Variants in KCNJ1 observed in about 807,000 individuals in gnomAD.
The protein encoded by KCNJ1 is ATP-sensitive inward rectifier potassium channel 1.
Under a neutral mutation model 21.9 loss-of-function variants are expected in KCNJ1, and 24 were observed. The observed-to-expected ratio is 1.10, with a 90% confidence interval of 0.79 to 1.54. The LOEUF is 1.54. Among genes scored for constraint, KCNJ1 ranks in the 40% most tolerant of loss-of-function variants. The pLI, the probability that KCNJ1 is intolerant of heterozygous loss-of-function variation, is 0.00. For synonymous variants in KCNJ1, 152 were observed against 160.9 expected (o/e 0.94, Z 0.42); for missense variants, 457 against 455.4 (o/e 1.00, Z -0.03).
intron 2 of KCNJ1, among the ~76,000 whole-genome samples, chr11:128,843,669 T>C (rs1943328079): frequency 6.6e-6 from 1 of 152,158 alleles, no homozygotes; most frequent in Non-Finnish European, 1.5e-5. Context: ...CCAAAAAGAA[T>C]AACTTTTTAA....
Position 128,839,468 on chromosome 11 carries a change from A to C in KCNJ1, c.776T>G (p.Phe259Cys). ...AAGGGTCTCCGCTGCCATGTGGAAG[A>C]AAGGGCTGTTGTGATCAATGACATG... ...IYHVIDHNSP[F>C]FHMAAETLLQ... Residue 259 changes from phenylalanine (F) to cysteine (C), a missense_variant, in exon 3 of 3, where the codon TTC becomes TGC. By Grantham distance (205) the Phe-to-Cys change is radical. Transcript: ENST00000392666. The C allele has an allele frequency of 6.2e-7, 1 of 1,614,212 alleles. No individual in the cohort carries two copies. Among genetic ancestry groups the C allele is most frequent in the Admixed American group, 1.7e-5 (1 of 60,030 alleles).
intron 1 of KCNJ1, among the ~76,000 whole-genome samples, chr11:128,858,498 C>T (rs1168700544): frequency 1.3e-5 from 2 of 152,106 alleles, no homozygotes; most frequent in African/African-American, 4.8e-5. Context: ...AGGGCACATA[C>T]TTTTCAGAGT....
chr11:128,855,334 C>A (rs1943569169), intron 1 of KCNJ1, among the ~76,000 whole-genome samples: 1 of 152,166 alleles, frequency 6.6e-6, no homozygotes, highest in African/African-American at 2.4e-5. Context: ...TTGCCAAGGT[C>A]CCCTGAGCTT....
intron 2 of KCNJ1, among the ~76,000 whole-genome samples, chr11:128,845,572 C>T (rs1289487915): frequency 6.6e-6 from 1 of 152,186 alleles, no homozygotes; most frequent in African/African-American, 2.4e-5. Flanking sequence ...CATCCAGAAC[C>T]TGTAGTAGAC....
At chr11:128,845,744 G>C (rs1247052309) in intron 2 of KCNJ1, among the ~76,000 whole-genome samples, 1 of 152,188 alleles carries the variant, frequency 6.6e-6, no homozygotes, top group Non-Finnish European at 1.5e-5. Flanking sequence ...GCATAGAAGA[G>C]GGCATCTGAG....
At chr11:128,862,482 C>T (rs1205421378) in intron 1 of KCNJ1, among the ~76,000 whole-genome samples, 2 of 152,180 alleles carry the variant, frequency 1.3e-5, no homozygotes, top group Non-Finnish European at 2.9e-5. Context: ...AGGAAACAGC[C>T]CTGTGTCCTA....
In KCNJ1 at chr11:128,848,938, C is replaced by T. The variant is rs114768301; in HGVS notation, c.-22+1783G>A. Among the ~76,000 whole-genome samples the T allele has an allele frequency of 4.2e-3, 643 of 152,288 alleles. 5 individuals are homozygous for T. The highest frequency in any genetic ancestry group is 0.014 in the African/African-American group (592 of 41,554). On this transcript the variant is annotated intron_variant, in intron 2 of 2. Coordinates refer to ENST00000392666, the MANE Select transcript of KCNJ1 (RefSeq NM_153766.3). ...AGAGAGTGTGGAATGGCCATTAAGG[C>T]GGCCAGAATGGGCTTCTGTAGTCTG... is the stretch of plus-strand genomic sequence containing the variant.
At chr11:128,856,272 C>T (rs1483361196) in intron 1 of KCNJ1, among the ~76,000 whole-genome samples, 1 of 151,052 alleles carries the variant, frequency 6.6e-6, no homozygotes, top group African/African-American at 2.4e-5. Context: ...GAGAAGGATG[C>T]AATTGTGCCA....
At chr11:128,861,695 C>T (rs1321220407) in intron 1 of KCNJ1, among the ~76,000 whole-genome samples, 1 of 152,148 alleles carries the variant, frequency 6.6e-6, no homozygotes, top group Non-Finnish European at 1.5e-5. Flanking sequence ...AACACCAGCC[C>T]CGTGCCCTGC....
intron 2 of KCNJ1, among the ~76,000 whole-genome samples, chr11:128,844,298 A>T (rs1262131244): frequency 6.6e-6 from 1 of 152,250 alleles, no homozygotes; most frequent in Non-Finnish European, 1.5e-5. Flanking sequence ...AATGGAGCAT[A>T]GAAAGCCTCA....
chr11:128,846,551 C>A (rs1031603965), intron 2 of KCNJ1, among the ~76,000 whole-genome samples: 8 of 152,152 alleles, frequency 5.3e-5, no homozygotes, highest in African/African-American at 1.9e-4. Context: ...ACTATGCTAG[C>A]TTCAGAGCCC....
intron 1 of KCNJ1, 109 bp from the exon 2 acceptor site, chr11:128,850,999 C>T (rs1943470190): frequency 2.3e-6 from 1 of 441,422 alleles, no homozygotes; most frequent in African/African-American, 2.1e-5. Flanking sequence ...CAGGACCCTC[C>T]ACATCAGCAA....
chr11:128,852,261 A>C (rs1943490099), intron 1 of KCNJ1, among the ~76,000 whole-genome samples: 1 of 152,220 alleles, frequency 6.6e-6, no homozygotes, highest in Non-Finnish European at 1.5e-5. Context: ...CATGCATTGA[A>C]TGAAAGGAGG....
intron 2 of KCNJ1, among the ~76,000 whole-genome samples, chr11:128,849,096 G>A (rs1284163265): frequency 6.6e-6 from 1 of 152,198 alleles, no homozygotes; most frequent in Non-Finnish European, 1.5e-5. Flanking sequence ...CCGAGGCACG[G>A]ATACAAAATC....
intron 2 of KCNJ1, chr11:128,842,273 T>C: frequency 1.7e-6 from 2 of 1,181,638 alleles, no homozygotes; most frequent in Non-Finnish European, 2.5e-6. Context: ...AGTGAAGAAG[T>C]ACCCCCTGAT....
chr11:128,839,229 A>T lies in KCNJ1; in HGVS notation c.1015T>A (p.Cys339Ser). ...CTAACATCTTTCTCATTATAAAGGC[A>T]CATGGCACAGTGAGGGGTCTCCACT... ...VEVETPHCAM[C>S]LYNEKDVRAR... is the part of the protein sequence containing the mutation. The change falls in exon 3 of 3, where the codon TGC (cysteine) becomes AGC (serine). Residue 339 changes from cysteine (C) to serine (S), a missense_variant. Cys to Ser is a moderately radical substitution (Grantham distance 112). Transcript: ENST00000392666. 4 of 1,614,178 alleles carry T rather than the reference A, an allele frequency of 2.5e-6. No individual in the cohort carries two copies. In the African/African-American group the frequency reaches 4.0e-5, roughly 16 times the overall value.
intron 2 of KCNJ1, among the ~76,000 whole-genome samples, chr11:128,843,079 T>C (rs966518499): frequency 6.6e-6 from 1 of 152,238 alleles, no homozygotes; most frequent in Admixed American, 6.5e-5. Context: ...TTACATGCAC[T>C]GGGTTAGCCA....
intron 1 of KCNJ1, among the ~76,000 whole-genome samples, chr11:128,863,757 G>C (rs576276689): frequency 7.9e-5 from 12 of 152,080 alleles, no homozygotes; most frequent in Non-Finnish European, 1.8e-4. Context: ...AACTCCTTAG[G>C]GCAGAACATC....
In KCNJ1 at chr11:128,842,410, G is replaced by A. The variant is rs754147947; in HGVS notation, c.-21-2146C>T. ...CGTGTCAAACACATTCCGACTGGAA[G>A]CATTCATGGCTGGAAAAAGCAAGGA... On this transcript the variant is annotated intron_variant, in intron 2 of 2. Transcript: ENST00000392666. The A allele has an allele frequency of 3.7e-6, 6 of 1,613,698 alleles. No individual in the cohort carries two copies. In the East Asian group the frequency reaches 1.1e-4, roughly 30 times the overall value.
Sources: allele counts gnomAD v4.1 joint callset (sites outside exome capture counted in the v4.1 genomes callset), GRCh38; gene constraint gnomAD v4.1.1; transcripts MANE v1.5; gene names NCBI Gene and HGNC (gene_info 2026-07-23, HGNC 2026-07-21).